The following TMEM67 variants were observed in gnomAD, a reference collection of about 807,000 sequenced individuals.
TMEM67 encodes transmembrane protein 67, also known as meckelin.
A neutral mutation model predicts 136.6 loss-of-function variants in TMEM67; 124 were observed. The ratio of observed to expected loss-of-function variants is 0.91; its 90% CI spans 0.78 to 1.05. The LOEUF (loss-of-function observed/expected upper bound fraction) is 1.05, where lower values mean the gene tolerates loss of function less well. Among genes scored for constraint, TMEM67 ranks in the 50% least tolerant of loss-of-function variants. TMEM67 has a pLI of 0.00. For missense variants in TMEM67, 1,107 were observed against 1,178.4 expected, an observed-to-expected ratio of 0.94 and a Z score of 0.89; for synonymous variants, 364 against 390.5, an observed-to-expected ratio of 0.93 and a Z score of 0.80.
At chr8:93,829,382 C>CTCTGTG in the TMEM67 span, among the ~76,000 whole-genome samples, 1 of 137,504 alleles carries the variant, frequency 7.3e-6, no homozygotes, top group Non-Finnish European at 1.6e-5. Flanking sequence ...CTCTCTCTCT[C>CTCTGTG]TGTGTGTGTG....
At chr8:93,771,307 GT>G (rs1220833148) in intron 6 of TMEM67, among the ~76,000 whole-genome samples, 1 of 148,858 alleles carries the variant, frequency 6.7e-6, no homozygotes, top group Non-Finnish European at 1.5e-5. Flanking sequence ...TTTACTCATT[GT>G]GTTATAATCT....
At chr8:93,774,842 T>G (rs201073243) in intron 7 of TMEM67, among the ~76,000 whole-genome samples, 1 of 152,178 alleles carries the variant, frequency 6.6e-6, no homozygotes, top group Admixed American at 6.5e-5. Context: ...GTCTTTATAG[T>G]AGCATGATTT....
Position 93,816,399 on chromosome 8 carries a change from G to A in TMEM67, c.2935G>A (p.Gly979Arg). ...TTTTAGATATATCCGTAATACAGTA[G>A]GACAAAAGAATTTGGCATCCAAAAC... ...EIFRYIRNTV[G>R]QKNLASKTLV... The change falls in exon 28 of 28, where the codon GGA becomes AGA. Residue 979 changes from glycine (G) to arginine (R), a missense_variant. Coordinates refer to ENST00000453321, the MANE Select transcript of TMEM67 (RefSeq NM_153704.6). 2 of 1,586,610 alleles carry A rather than the reference G, an allele frequency of 1.3e-6. No homozygotes were observed. Among genetic ancestry groups the A allele is most frequent in the Middle Eastern group, 1.7e-4 (1 of 5,960 alleles).
chr8:93,782,373 C>T, intron 10 of TMEM67, 22 bp from the exon 11 acceptor site: 1 of 1,589,802 alleles, frequency 6.3e-7, no homozygotes, highest in Non-Finnish European at 8.6e-7. Context: ...TGAGATTTAT[C>T]TGTTGTATTA....
downstream of TMEM67, among the ~76,000 whole-genome samples, chr8:93,819,685 A>C (rs1056080554): frequency 6.6e-6 from 1 of 152,198 alleles, no homozygotes; most frequent in African/African-American, 2.4e-5. Context: ...AACAAAAAAA[A>C]ACAAGTGCAA....
chr8:93,825,366 T>C, the TMEM67 span, among the ~76,000 whole-genome samples: 1 of 152,224 alleles, frequency 6.6e-6, no homozygotes, highest in Non-Finnish European at 1.5e-5. Flanking sequence ...ACATTGTTAA[T>C]GTAATTTAAG....
At chr8:93,780,553 C>A in intron 7 of TMEM67, 40 bp from the exon 8 acceptor site, 1 of 1,612,866 alleles carries the variant, frequency 6.2e-7, no homozygotes, top group African/African-American at 1.3e-5. Context: ...ATAGACTGTT[C>A]AGGTTCATGT....
chr8:93,763,133 T>C (rs1812925914), intron 3 of TMEM67: 1 of 256,498 alleles, frequency 3.9e-6, no homozygotes, highest in Admixed American at 5.3e-5. Flanking sequence ...TTTTGCCATA[T>C]TGGCCAGGCT....
intron 2 of TMEM67, chr8:93,757,050 G>C (rs1026057614): frequency 1.3e-5 from 2 of 150,856 alleles, no homozygotes; most frequent in African/African-American, 4.9e-5. Flanking sequence ...CTCCAGCCTG[G>C]GTGACAGAGC....
intron 18 of TMEM67, 89 bp downstream of exon 18, chr8:93,796,076 G>T: frequency 1.1e-6 from 1 of 900,978 alleles, no homozygotes; most frequent in Non-Finnish European, 1.8e-6. Context: ...AAAAATCTTT[G>T]GCGTGAAATT....
At chr8:93,803,310 A>G (rs2130756266) in intron 21 of TMEM67, among the ~76,000 whole-genome samples, 1 of 152,284 alleles carries the variant, frequency 6.6e-6, no homozygotes, top group African/African-American at 2.4e-5. Context: ...TATATCCTAC[A>G]TTTTTAAAAG....
intron 18 of TMEM67, among the ~76,000 whole-genome samples, chr8:93,796,280 A>C (rs1056832247): frequency 6.6e-6 from 1 of 152,234 alleles, no homozygotes; most frequent in African/African-American, 2.4e-5. Context: ...ACAATGGGAC[A>C]AAATGTCTTC....
chr8:93,832,035 A>C, the TMEM67 span, among the ~76,000 whole-genome samples: 2 of 152,140 alleles, frequency 1.3e-5, no homozygotes, highest in Non-Finnish European at 2.9e-5. Context: ...GGAAATTTAC[A>C]TTACTGTCTT....
rs1428830691 is a variant in TMEM67 at position 93,759,946 on chromosome 8, C to T, written c.406+1370C>T. On this transcript the variant is annotated intron_variant, in intron 3 of 27. Coordinates refer to ENST00000453321, the MANE Select transcript of TMEM67 (RefSeq NM_153704.6). ...TACAGGCTTGAGCCACCGCACCTGA[C>T]CTTGGCATGTACTTTAGAAGGAATG... 1.3e-6 allele frequency: 2 copies of T among 1,535,342 alleles called. No homozygotes were observed. Among genetic ancestry groups the T allele is most frequent in the East Asian group, 5.0e-5 (2 of 40,038 alleles).
intron 26 of TMEM67, among the ~76,000 whole-genome samples, 160 bp from the exon 27 acceptor site, chr8:93,815,145 C>A (rs2130799050): frequency 6.6e-6 from 1 of 152,272 alleles, no homozygotes; most frequent in East Asian, 1.9e-4. Context: ...ATGAACAAAT[C>A]TTAAAATGTT....
At chr8:93,777,644 T>C (rs995703939) in intron 7 of TMEM67, among the ~76,000 whole-genome samples, 1 of 152,246 alleles carries the variant, frequency 6.6e-6, no homozygotes, top group African/African-American at 2.4e-5. Flanking sequence ...TTGTTCAGTT[T>C]CCATGTCGTT....
chr8:93,786,275 A>G lies in TMEM67; in HGVS notation c.1341A>G (p.Ala447=). The G allele has an allele frequency of 6.2e-7, 1 of 1,614,002 alleles. No individual in the cohort carries two copies. ...LLTRRIFLVD[A]VSGRENDLGT... Reference sequence around the variant, plus strand: ...CTCGGCGCATTTTCTTAGTGGATGCAGTAAGTGGACGAGAAAATGACTTAG... The same window carrying G: ...CTCGGCGCATTTTCTTAGTGGATGCGGTAAGTGGACGAGAAAATGACTTAG... Residue 447 remains alanine (A), a synonymous_variant, in exon 13 of 28, where the codon GCA becomes GCG. Coordinates refer to ENST00000453321, the MANE Select transcript of TMEM67 (RefSeq NM_153704.6).
chr8:93,758,319 T>C (rs974649309), intron 2 of TMEM67, among the ~76,000 whole-genome samples, 164 bp from the exon 3 acceptor site: 8 of 152,242 alleles, frequency 5.3e-5, no homozygotes, highest in South Asian at 4.1e-4. Context: ...TTTTGGAATA[T>C]AAGCATGAAT....
chr8:93,755,997 T>C, intron 2 of TMEM67, 131 bp downstream of exon 2: 1 of 574,588 alleles, frequency 1.7e-6, no homozygotes, highest in Non-Finnish European at 3.0e-6. Flanking sequence ...ATTTTATTTT[T>C]ACTAGAGTAA....
Sources: gnomAD v4.1 joint callset for allele counts (sites outside exome capture counted in the v4.1 genomes callset) on GRCh38, gnomAD v4.1.1 for gene constraint, MANE v1.5 for transcripts, NCBI Gene and HGNC (gene_info 2026-07-23, HGNC 2026-07-21) for gene names.